Variants in DNAJC9 observed in about 807,000 individuals in gnomAD.
DNAJC9 encodes dnaJ homolog subfamily C member 9.
A neutral mutation model predicts 32.4 loss-of-function variants in DNAJC9; 18 were observed. That is an observed-to-expected ratio of 0.56 (90% CI 0.38 to 0.82). The LOEUF is 0.82. DNAJC9 is among the 40% of genes least tolerant of loss of function. The probability of loss-of-function intolerance (pLI) is 0.00; values close to 1 mark genes in which losing one functional copy is unlikely to be tolerated. For missense variants in DNAJC9, 310 were observed against 321.8 expected (o/e 0.96, Z 0.28); for synonymous variants, 113 against 122.1 (o/e 0.93, Z 0.49).
In DNAJC9 at chr10:73,242,015, A is replaced by G. The variant is rs567011300; in HGVS notation, c.*1385T>C. ...AAATACAAATCTTGATTGTCATGCC[A>G]GTTTTAGATCTTATTAATTTTCAGA... On this transcript the variant is annotated 3_prime_UTR_variant, in exon 5 of 5. Transcript: ENST00000372950. 45 of 152,316 alleles carry G rather than the reference A, an allele frequency of 3.0e-4. No individual in the cohort carries two copies. Among genetic ancestry groups the G allele is most frequent in the African/African-American group, 9.9e-4 (41 of 41,582 alleles). The allele number at this position is 152,316 out of a possible 1,614,324, so 9.4% of individuals were successfully genotyped here. A position where few individuals can be genotyped will look rare whatever the true frequency, so the allele number is the denominator to read the frequency against.
At chr10:73,238,362 A>T (rs1272049307), downstream of DNAJC9, among the ~76,000 whole-genome samples, 2 of 152,206 alleles carry the variant, frequency 1.3e-5, no homozygotes, top group African/African-American at 4.8e-5. Flanking sequence ...CACAAAAAAA[A>T]GAATGCTAGC....
chr10:73,234,884 C>A, downstream of DNAJC9: 1 of 1,551,942 alleles, frequency 6.4e-7, no homozygotes, highest in South Asian at 1.2e-5. Flanking sequence ...TCTGCTACCA[C>A]CTATTGGCAC....
At chr10:73,236,311 C>T (rs1330447426), downstream of DNAJC9, among the ~76,000 whole-genome samples, 1 of 152,096 alleles carries the variant, frequency 6.6e-6, no homozygotes, top group Non-Finnish European at 1.5e-5. Flanking sequence ...GCTCCCTTTG[C>T]AAGGTCTAGG....
At chr10:73,240,528 T>C (rs138598914), downstream of DNAJC9, among the ~76,000 whole-genome samples, 1,238 of 152,102 alleles carry the variant, frequency 8.1e-3, 17 homozygotes, top group Admixed American at 0.015. Context: ...CTGGCTAACA[T>C]GGTGAAACCC....
chr10:73,233,193 C>T, intron 2 of DNAJC9: 1 of 1,461,098 alleles, frequency 6.8e-7, no homozygotes, highest in Non-Finnish European at 9.4e-7. Flanking sequence ...CTTCTGGAAA[C>T]CGTGGTAAAA....
chr10:73,243,503 C>T lies in DNAJC9; in HGVS notation c.680G>A (p.Arg227Gln), dbSNP rs148829608. ...KAAIQSRQKDRQKEMDNFLAQ... is the reference protein window; with the variant it reads ...KAAIQSRQKDQQKEMDNFLAQ... The stretch of plus-strand genomic sequence containing the variant: ...CAGAAAATTGTCCATTTCCTTTTGC[C>T]GATCCTTTTGTCTGCTCTGTTTGAG... The change falls in exon 5 of 5, where the codon CGG (arginine) becomes CAG (glutamine). Residue 227 changes from arginine to glutamine, a missense_variant. Coordinates refer to ENST00000372950, the MANE Select transcript of DNAJC9 (RefSeq NM_015190.5). 17 of 1,613,874 alleles carry T rather than the reference C, an allele frequency of 1.1e-5. No homozygotes were observed. The East Asian group carries it at 2.0e-4, about 19-fold the overall frequency.
At chr10:73,234,838 C>T, downstream of DNAJC9, 1 of 1,551,688 alleles carries the variant, frequency 6.4e-7, no homozygotes, top group South Asian at 1.2e-5. Flanking sequence ...CCGACTCGCT[C>T]TCCTCTCCCT....
downstream of DNAJC9, among the ~76,000 whole-genome samples, chr10:73,240,138 G>C (rs1177582439): frequency 1.3e-5 from 2 of 152,168 alleles, no homozygotes; most frequent in African/African-American, 4.8e-5. Context: ...CAGGCTGCAG[G>C]ATGTCTTAAT....
chr10:73,240,978 AGCGGAG>A (rs370826262), downstream of DNAJC9: 20,608 of 1,540,352 alleles, frequency 0.013, 1,926 homozygotes, highest in African/African-American at 0.19. Flanking sequence ...AAAATCTCAA[AGCGGAG>A]GCAGACCAGT....
Position 73,246,848 on chromosome 10 carries a change from G to A in DNAJC9, c.181-20C>T, listed in dbSNP as rs754969828. 6.8e-6 allele frequency: 11 copies of A among 1,613,332 alleles called. No homozygotes were observed. The Admixed American group carries it at 1.8e-4, about 27-fold the overall frequency. ...CAGGATCTGAGGGCAAAGAGTATCC[G>A]TAAATCACCCCTGCTCCTCCCACCG... On this transcript the variant is annotated intron_variant, in intron 1 of 4. Transcript: ENST00000372950.
chr10:73,237,520 A>G (rs545871870), downstream of DNAJC9, among the ~76,000 whole-genome samples: 3 of 151,814 alleles, frequency 2.0e-5, no homozygotes, highest in African/African-American at 7.3e-5. Context: ...CCTGGGTTCA[A>G]TCGATTCTCC....
chr10:73,241,061 T>C (rs1390212574), downstream of DNAJC9: 5 of 1,117,696 alleles, frequency 4.5e-6, no homozygotes, highest in African/African-American at 1.6e-5. Context: ...AAACACGAGA[T>C]TTCATGAAGC....
chr10:73,235,434 G>A (rs977238922), downstream of DNAJC9: 9 of 1,468,730 alleles, frequency 6.1e-6, no homozygotes, highest in Non-Finnish European at 8.1e-6. Flanking sequence ...AATAAAAGTT[G>A]AGTTTCCAAC....
chr10:73,243,333 T>C lies in DNAJC9; in HGVS notation c.*67A>G. 1 of 1,580,818 alleles carries C rather than the reference T, an allele frequency of 6.3e-7. No individual in the cohort carries two copies. Among genetic ancestry groups the C allele is most frequent in the Non-Finnish European group, 8.6e-7 (1 of 1,163,628 alleles). Reference sequence around the variant, plus strand: ...AGCTGAATTGACTTTTGCCTTCAAATCCTGCCTGCACCTTGCCTACGATGG... The same window carrying C: ...AGCTGAATTGACTTTTGCCTTCAAACCCTGCCTGCACCTTGCCTACGATGG... On this transcript the variant is annotated 3_prime_UTR_variant, in exon 5 of 5. Transcript: ENST00000372950.
Position 73,246,690 on chromosome 10 carries a change from T to C in DNAJC9, c.319A>G (p.Lys107Glu). 1 of 1,613,926 alleles carries C rather than the reference T, an allele frequency of 6.2e-7. No homozygotes were observed. The highest frequency in any genetic ancestry group is 8.5e-7 in the Non-Finnish European group (1 of 1,179,854). ...AAGAAACCTCCAGAGTCCTTTACCT[T>C]TTTAAAGAGTAGCCGCCAATACGCC... ...WEAYWRLLFKKISLEDIQAFE... is the reference protein window; with the variant it reads ...WEAYWRLLFKEISLEDIQAFE... The change falls in exon 2 of 5, where the codon AAG (lysine) becomes GAG (glutamate). Residue 107 changes from lysine to glutamate, a missense_variant and splice_region_variant. Coordinates refer to ENST00000372950, the MANE Select transcript of DNAJC9 (RefSeq NM_015190.5).
chr10:73,235,214 C>G, downstream of DNAJC9: 1 of 1,551,700 alleles, frequency 6.4e-7, no homozygotes, highest in Non-Finnish European at 8.7e-7. Context: ...CGACTCTAGT[C>G]GAGCTCAAAG....
At chr10:73,235,210 T>C, downstream of DNAJC9, 1 of 1,551,736 alleles carries the variant, frequency 6.4e-7, no homozygotes, top group South Asian at 1.2e-5. Context: ...ATGGCGACTC[T>C]AGTCGAGCTC....
chr10:73,243,537 A>C lies in DNAJC9; in HGVS notation c.664-18T>G. On this transcript the variant is annotated intron_variant, in intron 4 of 4. Transcript: ENST00000372950. ...TGTCTGCTCTGTTTGAGAAGTTAAA[A>C]CACAAGCTTTCACAACATTATCCAT... 1 of 1,613,706 alleles carries C rather than the reference A, an allele frequency of 6.2e-7. No homozygotes were observed. The highest frequency in any genetic ancestry group is 8.5e-7 in the Non-Finnish European group (1 of 1,179,902).
intron 4 of DNAJC9, 97 bp downstream of exon 4, chr10:73,243,746 T>G: frequency 8.1e-7 from 1 of 1,229,174 alleles, no homozygotes; most frequent in South Asian, 1.4e-5. Flanking sequence ...TATGCGGTTA[T>G]GTCTTAAAAG....
Sources: gnomAD v4.1 joint callset for allele counts (sites outside exome capture counted in the v4.1 genomes callset) on GRCh38, gnomAD v4.1.1 for gene constraint, MANE v1.5 for transcripts, NCBI Gene and HGNC (gene_info 2026-07-23, HGNC 2026-07-21) for gene names.